ACP2: variants seen among roughly 807,000 people sequenced by gnomAD.
ACP2 encodes lysosomal acid phosphatase.
Under a neutral mutation model 54.7 loss-of-function variants are expected in ACP2, and 35 were observed. The ratio of observed to expected loss-of-function variants is 0.64; its 90% confidence interval spans 0.49 to 0.85. The LOEUF (loss-of-function observed/expected upper bound fraction) is 0.85. Among genes scored for constraint, ACP2 ranks in the 40% least tolerant of loss-of-function variants. ACP2 has a pLI of 0.00. For synonymous variants in ACP2, 210 were observed against 224.4 expected (o/e 0.94, Z 0.57); for missense variants, 492 against 565.0 (o/e 0.87, Z 1.31).
chr11:47,245,688 C>G lies in ACP2; in HGVS notation c.444G>C (p.Glu148Asp). The change falls in exon 4 of 11, where the codon GAG becomes GAC. Residue 148 changes from glutamate (E) to aspartate (D), a missense_variant. By Grantham distance (45) the Glu-to-Asp change is conservative. Transcript: ENST00000672073. ...PIPVHTVPIT[E>D]DRLLKFPLGP... ...AAGGGCTGGCCACTCTTACCCTGTC[C>G]TCAGTGATGGGCACAGTGTGCACAG... 6.2e-7 allele frequency: 1 copy of G among 1,613,232 alleles called. No homozygotes were observed. Among genetic ancestry groups the G allele is most frequent in the Non-Finnish European group, 8.5e-7 (1 of 1,179,284 alleles).
intron 10 of ACP2, 125 bp from the exon 11 acceptor site, chr11:47,240,374 T>C: frequency 1.7e-6 from 1 of 600,196 alleles, no homozygotes. Flanking sequence ...GGAGTTTACA[T>C]TCTAGGAGAG....
Position 47,244,746 on chromosome 11 carries a change from C to T in ACP2, c.761G>A (p.Arg254Gln), listed in dbSNP as rs754855881. 6 of 1,607,602 alleles carry T rather than the reference C, an allele frequency of 3.7e-6. No individual in the cohort carries two copies. Among genetic ancestry groups the T allele is most frequent in the East Asian group, 2.2e-5 (1 of 44,726 alleles). ...TCCTTGTCACTCACCCCCCTGAAGCCGGGCCTTCTCCGCCTGCTGGTAGAT... is the reference window on the plus strand; with the variant it reads ...TCCTTGTCACTCACCCCCCTGAAGCTGGGCCTTCTCCGCCTGCTGGTAGAT... ...FGIYQQAEKA[R>Q]LQGGVLLAQI... The change falls in exon 7 of 11, where the codon CGG becomes CAG. Residue 254 changes from arginine to glutamine, a missense_variant. Coordinates refer to ENST00000672073, the MANE Select transcript of ACP2 (RefSeq NM_001610.4).
chr11:47,239,537 AG>A lies in ACP2; in HGVS notation c.*578del, dbSNP rs1953813688. 6.4e-6 allele frequency: 1 copy of A among 156,714 alleles called. No individual in the cohort carries two copies. Among genetic ancestry groups the A allele is most frequent in the Admixed American group, 6.2e-5 (1 of 16,134 alleles). The allele number at this position is 156,714 out of a possible 1,614,324, so 9.7% of individuals were successfully genotyped here. A position where few individuals can be genotyped will look rare whatever the true frequency, so the allele number is the denominator to read the frequency against. On this transcript the variant is annotated 3_prime_UTR_variant, in exon 11 of 11. Coordinates refer to ENST00000672073, the MANE Select transcript of ACP2 (RefSeq NM_001610.4). ...CAACCTTCCGTCCTGCTCCAGTTGA[AG>A]GGGTGACAACGATTCCTGAAGCATT...
chr11:47,243,160 C>G (rs1463634252), intron 8 of ACP2, 36 bp from the exon 9 acceptor site: 2 of 1,613,554 alleles, frequency 1.2e-6, no homozygotes, highest in South Asian at 2.2e-5. Context: ...AGCATTGTTC[C>G]CCACACCCGC....
chr11:47,247,816 C>A, intron 2 of ACP2, 89 bp from the exon 3 acceptor site: 1 of 1,338,812 alleles, frequency 7.5e-7, no homozygotes, highest in Non-Finnish European at 1.0e-6. Context: ...TTTCCAGGTT[C>A]ACGCTTTGCT....
At chr11:47,247,991 C>T (rs375282190) in intron 2 of ACP2, 47 bp downstream of exon 2, 536 of 1,491,602 alleles carry the variant, frequency 3.6e-4, no homozygotes, top group Non-Finnish European at 4.7e-4. Flanking sequence ...CTCTAGACGT[C>T]GCTCATTCTG....
In ACP2 at chr11:47,242,781, G is replaced by A. The variant is rs774098536; in HGVS notation, c.1080C>T (p.Pro360=). Reference sequence around the variant, plus strand: ...CCTGCTGCCAATCCTTGGGCACGACGGGCTCTGTGAGGCGAAGGAAGTCCT... The same window carrying A: ...CCTGCTGCCAATCCTTGGGCACGACAGGCTCTGTGAGGCGAAGGAAGTCCT... ...PLQDFLRLTE[P]VVPKDWQQEC... The change falls in exon 10 of 11, where the codon CCC becomes CCT. Residue 360 remains proline, a synonymous_variant. Coordinates refer to ENST00000672073, the MANE Select transcript of ACP2 (RefSeq NM_001610.4). 3.1e-6 allele frequency: 5 copies of A among 1,614,172 alleles called. No individual in the cohort carries two copies. The highest frequency in any genetic ancestry group is 3.4e-6 in the Non-Finnish European group (4 of 1,180,004).
chr11:47,243,250 C>A lies in ACP2; in HGVS notation c.844G>T (p.Val282Phe). The A allele has an allele frequency of 3.1e-6, 5 of 1,614,242 alleles. No individual in the cohort carries two copies. The highest frequency in any genetic ancestry group is 4.2e-6 in the Non-Finnish European group (5 of 1,180,040). Residue 282 changes from valine to phenylalanine, a missense_variant, in exon 8 of 11, where the codon GTT becomes TTT. Physicochemically the swap from Val to Phe is conservative, Grantham distance 50. Transcript: ENST00000672073. ...GCGCAGGCACTCACCGCAGAGTAAA[C>A]CAGCAGCTTGGGGAGCTGGGAGGTG... ...ATTSQLPKLL[V>F]YSAHDTTLVA...
At chr11:47,248,364 G>C (rs1591030897) in intron 1 of ACP2, 1 of 1,364,664 alleles carries the variant, frequency 7.3e-7, no homozygotes, top group East Asian at 2.5e-5. Flanking sequence ...AGGTAGGAAG[G>C]GAAAAGAGAA....
intron 3 of ACP2, 35 bp from the exon 4 acceptor site, chr11:47,245,869 T>C: frequency 6.6e-7 from 1 of 1,521,886 alleles, no homozygotes; most frequent in Non-Finnish European, 8.8e-7. Context: ...TGTGTGTGTG[T>C]GTGTGTGTGT....
chr11:47,246,922 A>C (rs777991410), intron 3 of ACP2, among the ~76,000 whole-genome samples: 31 of 152,180 alleles, frequency 2.0e-4, no homozygotes, highest in Non-Finnish European at 3.8e-4. Flanking sequence ...ATAGTGGCTC[A>C]TGAAAAGGGA....
intron 6 of ACP2, 115 bp downstream of exon 6, chr11:47,245,190 T>C: frequency 8.5e-7 from 1 of 1,175,134 alleles, no homozygotes; most frequent in Non-Finnish European, 1.3e-6. Context: ...AAGCACAGCC[T>C]CCCTGGACCT....
chr11:47,245,895 T>G, intron 3 of ACP2, 61 bp from the exon 4 acceptor site: 5 of 1,483,808 alleles, frequency 3.4e-6, no homozygotes, highest in Middle Eastern at 2.1e-4. Context: ...TTGGGGAAGT[T>G]TTGGTCACCC....
chr11:47,245,801 G>A lies in ACP2; in HGVS notation c.331C>T (p.Leu111Phe), dbSNP rs759899250. ...GCCAGGTTGGCCTCAGCACTCATGAGAGTCCGGTCAAAGTCTGTGCTTCGC... is the reference window on the plus strand; with the variant it reads ...GCCAGGTTGGCCTCAGCACTCATGAAAGTCCGGTCAAAGTCTGTGCTTCGC... ...YVRSTDFDRT[L>F]MSAEANLAGL... Residue 111 changes from leucine to phenylalanine, a missense_variant, in exon 4 of 11, where the codon CTC (leucine) becomes TTC (phenylalanine). Coordinates refer to ENST00000672073, the MANE Select transcript of ACP2 (RefSeq NM_001610.4). 3.8e-6 allele frequency: 6 copies of A among 1,597,068 alleles called. No individual in the cohort carries two copies. The highest frequency in any genetic ancestry group is 5.1e-6 in the Non-Finnish European group (6 of 1,171,898).
rs560483703 is a variant in ACP2, at chr11:47,242,504, G to A, written c.1138+219C>T. 1.5e-3 allele frequency among the ~76,000 whole-genome samples: 229 copies of A among 152,222 alleles called. No individual in the cohort carries two copies. In the South Asian group the frequency reaches 0.017, roughly 11 times the overall value. On this transcript the variant is annotated intron_variant, in intron 10 of 10. Transcript: ENST00000672073. The stretch of plus-strand genomic sequence containing the variant: ...GGAAGTAACCTGGTGGTGGGAGAAC[G>A]AGCCAATTCTCTCTTGGCTCTTATT...
chr11:47,246,003 C>G (rs1272808718), intron 3 of ACP2, among the ~76,000 whole-genome samples, 169 bp from the exon 4 acceptor site: 1 of 152,128 alleles, frequency 6.6e-6, no homozygotes, highest in East Asian at 1.9e-4. Context: ...GATGGTCACC[C>G]AGCAAACTAA....
Position 47,240,225 on chromosome 11 carries a change from CATACAGCCAAGGCCACA to C in ACP2, c.1146_1162del (p.Ile382MetfsTer76). The stretch of plus-strand genomic sequence containing the variant: ...TATGAGGAGGAAGAGGATGGAGCCA[CATACAGCCAAGGCCACA>C]ATCACCTCTGGGCATGGGGGAGGCA... On this transcript the variant is annotated frameshift_variant, in exon 11 of 11. Coordinates refer to ENST00000672073, the MANE Select transcript of ACP2 (RefSeq NM_001610.4). LOFTEE classifies it high-confidence loss of function. The C allele has an allele frequency of 6.3e-7, 1 of 1,593,424 alleles. No homozygotes were observed. Among genetic ancestry groups the C allele is most frequent in the Non-Finnish European group, 8.6e-7 (1 of 1,161,066 alleles).
At chr11:47,242,068 C>T (rs561950335) in intron 10 of ACP2, among the ~76,000 whole-genome samples, 9 of 152,240 alleles carry the variant, frequency 5.9e-5, no homozygotes, top group East Asian at 3.9e-4. Flanking sequence ...GAGGAAGGGA[C>T]GCCTGAAAGT....
chr11:47,242,573 G>A, intron 10 of ACP2, 150 bp downstream of exon 10: 1 of 824,816 alleles, frequency 1.2e-6, no homozygotes, highest in Non-Finnish European at 1.9e-6. Flanking sequence ...GTGAGAAGTG[G>A]GGAGAAGGTA....
Sources: gnomAD v4.1 joint callset for allele counts (sites outside exome capture counted in the v4.1 genomes callset) on GRCh38, gnomAD v4.1.1 for gene constraint, MANE v1.5 for transcripts, NCBI Gene and HGNC (gene_info 2026-07-23, HGNC 2026-07-21) for gene names.